LMNTD1: variants seen among roughly 807,000 people sequenced by gnomAD.
The protein encoded by LMNTD1 is lamin tail domain containing 1.
In LMNTD1, 35 loss-of-function variants were observed where a neutral mutation model predicts 50.9. That is an observed-to-expected ratio of 0.69 (90% confidence interval 0.53 to 0.91). The LOEUF is 0.91. LMNTD1 is among the 40% of genes least tolerant of loss of function. The pLI is 0.00. For missense variants in LMNTD1, 470 were observed against 475.5 expected (o/e 0.99, Z 0.11); for synonymous variants, 153 against 161.9 (o/e 0.94, Z 0.42).
intron 4 of LMNTD1, 101 bp downstream of exon 4, chr12:25,546,273 A>G (rs541248410): frequency 1.7e-6 from 1 of 588,006 alleles, no homozygotes; most frequent in East Asian, 3.0e-5. Flanking sequence ...AGTGTTTTAG[A>G]TAAAATAATG....
intron 9 of LMNTD1, among the ~76,000 whole-genome samples, chr12:25,496,605 A>G (rs1284970934): frequency 6.6e-6 from 1 of 152,190 alleles, no homozygotes; most frequent in African/African-American, 2.4e-5. Flanking sequence ...TTGCAGTATA[A>G]CCAGAAAGTA....
At chr12:25,483,856 A>C (rs536150611) in intron 9 of LMNTD1, among the ~76,000 whole-genome samples, 47 of 152,146 alleles carry the variant, frequency 3.1e-4, no homozygotes, top group Non-Finnish European at 5.0e-4. Flanking sequence ...TGAATGAGAA[A>C]TCTAACCATT....
chr12:25,567,509 C>T (rs957904338), intron 1 of LMNTD1, among the ~76,000 whole-genome samples: 1 of 152,112 alleles, frequency 6.6e-6, no homozygotes, highest in African/African-American at 2.4e-5. Context: ...TATTTGTCCC[C>T]TCCAAATGTG....
At chr12:25,643,983 A>G (rs1426912108) in intron 1 of LMNTD1, among the ~76,000 whole-genome samples, 1 of 152,228 alleles carries the variant, frequency 6.6e-6, no homozygotes, top group East Asian at 1.9e-4. Context: ...AAATAAAGAA[A>G]GGATTGGCCA....
chr12:25,522,512 T>G (rs190176336), intron 6 of LMNTD1, among the ~76,000 whole-genome samples: 25 of 152,320 alleles, frequency 1.6e-4, no homozygotes, highest in Admixed American at 3.3e-4. Context: ...TTTAGTTCTA[T>G]CACATTACTT....
intron 1 of LMNTD1, among the ~76,000 whole-genome samples, chr12:25,608,754 T>A (rs1217803626): frequency 6.6e-6 from 1 of 152,226 alleles, no homozygotes; most frequent in Non-Finnish European, 1.5e-5. Context: ...GCCCTTAGCA[T>A]TTTTTCCTTC....
At chr12:25,562,334 G>C (rs1447226314) in intron 1 of LMNTD1, among the ~76,000 whole-genome samples, 1 of 152,152 alleles carries the variant, frequency 6.6e-6, no homozygotes, top group African/African-American at 2.4e-5. Context: ...AGGCCTGGTG[G>C]TGACAAAATC....
chr12:25,633,034 A>G lies in LMNTD1; in HGVS notation c.58+15460T>C, dbSNP rs1592124056. Among the ~76,000 whole-genome samples the G allele has an allele frequency of 8.8e-5, 6 of 68,112 alleles. No homozygotes were observed. The South Asian group carries it at 2.5e-3, about 28-fold the overall frequency. The allele number at this position is 68,112 out of a possible 152,430, so 44.7% of individuals were successfully genotyped here. A position where few individuals can be genotyped will look rare whatever the true frequency, so the allele number is the denominator to read the frequency against. ...CAGGAGTAGCAATTCTTATATCAGAAAAAAAAAAACAAACTTTAAAGCAAC... is the reference window on the plus strand; with the variant it reads ...CAGGAGTAGCAATTCTTATATCAGAGAAAAAAAAACAAACTTTAAAGCAAC... On this transcript the variant is annotated intron_variant, in intron 1 of 7. Transcript: ENST00000445693.
At chr12:25,498,673 T>C in intron 9 of LMNTD1, among the ~76,000 whole-genome samples, 1 of 152,248 alleles carries the variant, frequency 6.6e-6, no homozygotes, top group African/African-American at 2.4e-5. Flanking sequence ...TGTTTTTTTC[T>C]CAACTGCTTA....
intron 1 of LMNTD1, among the ~76,000 whole-genome samples, chr12:25,628,067 C>CA (rs1946631575): frequency 7.7e-6 from 1 of 130,336 alleles, no homozygotes; most frequent in Non-Finnish European, 1.6e-5. Context: ...GAGATCGCGC[C>CA]ACTGCACTCC....
intron 1 of LMNTD1, among the ~76,000 whole-genome samples, chr12:25,598,818 G>T (rs2136501218): frequency 6.6e-6 from 1 of 151,878 alleles, no homozygotes; most frequent in African/African-American, 2.4e-5. Context: ...TCCAAAACCT[G>T]AACAGACCAA....
Position 25,546,527 on chromosome 12 carries a change from T to C in LMNTD1, c.338A>G (p.Lys113Arg). The change falls in exon 4 of 10, where the codon AAA (lysine) becomes AGA (arginine). Residue 113 changes from lysine (K) to arginine (R), a missense_variant. Lys to Arg is a conservative substitution (Grantham distance 26, BLOSUM62 2). Transcript: ENST00000458174. ...CCCAATCATGGGTGATTCATCCTGT[T>C]TCTTCGGAACTGAGAAGGGGCTGGC... ...LDASPFSVPKKQDESPMIGDG... is the reference protein window; with the variant it reads ...LDASPFSVPKRQDESPMIGDG... The C allele has an allele frequency of 6.4e-7, 1 of 1,568,986 alleles. No homozygotes were observed. The highest frequency in any genetic ancestry group is 1.4e-5 in the African/African-American group (1 of 73,172).
At chr12:25,596,268 C>A (rs1005314820) in intron 1 of LMNTD1, among the ~76,000 whole-genome samples, 1 of 151,802 alleles carries the variant, frequency 6.6e-6, no homozygotes, top group South Asian at 2.1e-4. Flanking sequence ...AAGGATATAA[C>A]CAAAAAAGAA....
chr12:25,481,527 G>A (rs1023193641), intron 9 of LMNTD1, among the ~76,000 whole-genome samples: 3 of 152,026 alleles, frequency 2.0e-5, no homozygotes, highest in Admixed American at 6.5e-5. Context: ...CGTGTCTGAC[G>A]TTTTAAAGAC....
intron 1 of LMNTD1, among the ~76,000 whole-genome samples, chr12:25,595,761 C>G (rs959129639): frequency 6.6e-6 from 1 of 151,478 alleles, no homozygotes; most frequent in African/African-American, 2.4e-5. Context: ...GAAACAGCAA[C>G]AGCAACAAAA....
At chr12:25,592,032 C>T (rs144252961) in intron 1 of LMNTD1, among the ~76,000 whole-genome samples, 134 of 152,220 alleles carry the variant, frequency 8.8e-4, no homozygotes, top group Middle Eastern at 3.4e-3. Flanking sequence ...TAAATTATAA[C>T]GCCTAAGTTC....
chr12:25,519,768 C>T lies in LMNTD1; in HGVS notation c.1016+90G>A, dbSNP rs77638313. 4.7e-3 allele frequency: 3,788 copies of T among 805,120 alleles called. 104 individuals carry two copies. In the African/African-American group the frequency reaches 0.057, roughly 12 times the overall value. 49.9% of individuals were successfully genotyped at this position (805,120 alleles called of 1,614,324 possible). A position where few individuals can be genotyped will look rare whatever the true frequency, so the allele number is the denominator to read the frequency against. On this transcript the variant is annotated intron_variant, in intron 7 of 9. Coordinates refer to ENST00000458174, the MANE Select transcript of LMNTD1 (RefSeq NM_001145728.2). ...CACTATTGATTTAATTTATACATCA[C>T]ACATCCATTTGTCATCTAGTCGTTC...
chr12:25,513,292 T>C (rs772209364), intron 8 of LMNTD1, among the ~76,000 whole-genome samples: 3 of 152,136 alleles, frequency 2.0e-5, no homozygotes, highest in Non-Finnish European at 2.9e-5. Flanking sequence ...CGATATAAAT[T>C]TATAAGCATT....
intron 1 of LMNTD1, among the ~76,000 whole-genome samples, chr12:25,593,715 A>T (rs1267019299): frequency 6.6e-6 from 1 of 151,992 alleles, no homozygotes; most frequent in Non-Finnish European, 1.5e-5. Flanking sequence ...GAAATCCCTG[A>T]TTTACCTGGA....
Sources: allele counts gnomAD v4.1 joint callset (sites outside exome capture counted in the v4.1 genomes callset), GRCh38; gene constraint gnomAD v4.1.1; transcripts MANE v1.5; gene names NCBI Gene and HGNC (gene_info 2026-07-23, HGNC 2026-07-21).